The following ABCC1 variants were observed in gnomAD, a reference collection of about 807,000 sequenced individuals.
The protein encoded by ABCC1 is multidrug resistance-associated protein 1.
A neutral mutation model predicts 172.9 loss-of-function variants in ABCC1; 83 were observed. The observed-to-expected ratio is 0.48, with a 90% CI of 0.40 to 0.58. ABCC1 has a LOEUF of 0.58. ABCC1 is among the 20% of genes least tolerant of loss of function. The pLI, the probability that ABCC1 is intolerant of heterozygous loss-of-function variation, is 0.00. For missense variants in ABCC1, 1,817 were observed against 2,002.7 expected (o/e 0.91, Z 1.77); for synonymous variants, 937 against 825.2 (o/e 1.14, Z -2.32).
intron 6 of ABCC1, among the ~76,000 whole-genome samples, chr16:16,033,895 G>C (rs1235253381): frequency 6.6e-6 from 1 of 152,084 alleles, no homozygotes; most frequent in Non-Finnish European, 1.5e-5. Context: ...AAAGTGCTGG[G>C]ATTACAGGTG....
intron 13 of ABCC1, among the ~76,000 whole-genome samples, chr16:16,070,875 C>A (rs930975627): frequency 7.2e-5 from 11 of 152,158 alleles, no homozygotes; most frequent in African/African-American, 2.7e-4. Flanking sequence ...GCATGCATTT[C>A]TTCCTACATA....
chr16:16,038,085 T>C (rs1389613804), intron 7 of ABCC1, among the ~76,000 whole-genome samples: 1 of 150,356 alleles, frequency 6.7e-6, no homozygotes, highest in African/African-American at 2.5e-5. Context: ...AGATGGATGA[T>C]AGATTGATAG....
chr16:16,035,492 A>ATTTTT (rs55727520), intron 6 of ABCC1, among the ~76,000 whole-genome samples: 2 of 138,940 alleles, frequency 1.4e-5, no homozygotes, highest in African/African-American at 2.6e-5. Context: ...CCTTCAGCCT[A>ATTTTT]TTTTTTTTTT....
chr16:16,058,295 C>G (rs2049758309), intron 12 of ABCC1, among the ~76,000 whole-genome samples: 1 of 152,134 alleles, frequency 6.6e-6, no homozygotes, highest in Non-Finnish European at 1.5e-5. Context: ...TTTTTTCTTT[C>G]TGTCTTTTTA....
chr16:16,007,563 AT>A (rs2047591170), intron 1 of ABCC1, among the ~76,000 whole-genome samples: 1 of 151,896 alleles, frequency 6.6e-6, no homozygotes, highest in South Asian at 2.1e-4. Context: ...TTATTTATTT[AT>A]TTTGAGACAG....
upstream of ABCC1, among the ~76,000 whole-genome samples, chr16:15,949,290 C>G (rs1347830229): frequency 6.6e-6 from 1 of 152,072 alleles, no homozygotes; most frequent in Non-Finnish European, 1.5e-5. Context: ...TTATTTTCCC[C>G]TGGTGACGGA....
chr16:16,073,307 A>C (rs188989242), intron 14 of ABCC1, among the ~76,000 whole-genome samples: 1 of 152,184 alleles, frequency 6.6e-6, no homozygotes, highest in Non-Finnish European at 1.5e-5. Context: ...GGTAGAGTCC[A>C]TGCTCTTCCT....
At chr16:16,032,117 A>C (rs2048580305) in intron 5 of ABCC1, among the ~76,000 whole-genome samples, 1 of 152,042 alleles carries the variant, frequency 6.6e-6, no homozygotes, top group South Asian at 2.1e-4. Context: ...CAGCCTCCCA[A>C]GTAGCTGGAA....
chr16:16,101,188 C>T (rs1029115094), intron 19 of ABCC1, among the ~76,000 whole-genome samples: 2 of 152,116 alleles, frequency 1.3e-5, no homozygotes, highest in African/African-American at 4.8e-5. Flanking sequence ...TGCACCACCA[C>T]GCCCAGCTAA....
intron 12 of ABCC1, among the ~76,000 whole-genome samples, chr16:16,059,811 C>A (rs115340257): frequency 6.8e-6 from 1 of 146,888 alleles, no homozygotes; most frequent in Non-Finnish European, 1.5e-5. Flanking sequence ...CCTGCTGCTG[C>A]CCCCCCACCC....
At chr16:16,012,913 C>A (rs2041808001) in intron 3 of ABCC1, among the ~76,000 whole-genome samples, 1 of 151,612 alleles carries the variant, frequency 6.6e-6, no homozygotes, top group South Asian at 2.1e-4. Context: ...AAACTCCTGG[C>A]CTCAGGTGAT....
intron 20 of ABCC1, among the ~76,000 whole-genome samples, chr16:16,103,547 T>C (rs1596503693): frequency 1.3e-5 from 2 of 152,064 alleles, no homozygotes; most frequent in East Asian, 3.9e-4. Flanking sequence ...GCCATGGCAC[T>C]CCAGCCTGGG....
intron 6 of ABCC1, 73 bp downstream of exon 6, chr16:16,033,243 G>A (rs2048620917): frequency 7.0e-7 from 1 of 1,438,050 alleles, no homozygotes; most frequent in African/African-American, 1.4e-5. Context: ...GAATGAACAT[G>A]CTCAGCTCCC....
intron 19 of ABCC1, among the ~76,000 whole-genome samples, chr16:16,093,024 C>T (rs565985382): frequency 1.3e-5 from 2 of 152,308 alleles, no homozygotes; most frequent in East Asian, 3.9e-4. Context: ...CTTGCCAGTG[C>T]ATGATAGCTG....
chr16:16,099,250 T>G (rs2051619515), intron 19 of ABCC1, among the ~76,000 whole-genome samples: 2 of 152,132 alleles, frequency 1.3e-5, no homozygotes. Flanking sequence ...TGGCAACAGT[T>G]TGATTGTGAG....
Position 16,124,856 on chromosome 16 carries a change from A to T in ABCC1, c.3658A>T (p.Ile1220Phe). 1 of 1,614,070 alleles carries T rather than the reference A, an allele frequency of 6.2e-7. No individual in the cohort carries two copies. The highest frequency in any genetic ancestry group is 1.1e-5 in the South Asian group (1 of 91,062). Residue 1220 changes from isoleucine (I) to phenylalanine (F), a missense_variant, in exon 25 of 31, where the codon ATC becomes TTC. Transcript: ENST00000399410. Reference sequence around the variant, plus strand: ...TCTGTTTGCTGCCCTGTTTGCGGTGATCTCCAGGCACAGCCTCAGTGCTGG... The same window carrying T: ...TCTGTTTGCTGCCCTGTTTGCGGTGTTCTCCAGGCACAGCCTCAGTGCTGG... ...IVLFAALFAV[I>F]SRHSLSAGLV...
intron 23 of ABCC1, among the ~76,000 whole-genome samples, chr16:16,120,739 T>C (rs1419992266): frequency 6.6e-6 from 1 of 151,866 alleles, no homozygotes; most frequent in East Asian, 1.9e-4. Flanking sequence ...AGGGGAGAGT[T>C]ACAGGATGAG....
rs552056412 is a variant in ABCC1 at position 15,993,125 on chromosome 16, A to G, written c.49-14691A>G. ...TGTGAGCTTTCATCTTTGATGGACTATGAGTCTTAAGAGGACAGAGATATC... is the reference window on the plus strand; with the variant it reads ...TGTGAGCTTTCATCTTTGATGGACTGTGAGTCTTAAGAGGACAGAGATATC... On this transcript the variant is annotated intron_variant, in intron 1 of 30. Transcript: ENST00000399410. Among the ~76,000 whole-genome samples, 22 of 152,290 alleles carry G rather than the reference A, an allele frequency of 1.4e-4. No individual in the cohort carries two copies. The South Asian group carries it at 2.9e-3, about 20-fold the overall frequency.
chr16:15,952,166 T>C (rs1195244583), intron 1 of ABCC1, among the ~76,000 whole-genome samples: 4 of 152,346 alleles, frequency 2.6e-5, no homozygotes, highest in Admixed American at 1.3e-4. Flanking sequence ...TTGCGAAGGG[T>C]CAATGAGTTA....
Sources: allele counts gnomAD v4.1 joint callset (sites outside exome capture counted in the v4.1 genomes callset), GRCh38; gene constraint gnomAD v4.1.1; transcripts MANE v1.5; gene names NCBI Gene and HGNC (gene_info 2026-07-23, HGNC 2026-07-21).